The following GLRB variants were observed in gnomAD, a reference collection of about 807,000 sequenced individuals.
GLRB encodes glycine receptor beta, also known as glycine receptor subunit beta.
Under a neutral mutation model 54.2 loss-of-function variants are expected in GLRB, and 33 were observed. The ratio of observed to expected loss-of-function variants is 0.61; its 90% CI spans 0.46 to 0.81. The LOEUF is 0.81. Ranked by LOEUF, GLRB falls within the 40% of genes least tolerant of loss-of-function variation. The pLI, the probability that GLRB is intolerant of heterozygous loss-of-function variation, is 0.00. For missense variants in GLRB, 572 were observed against 584.6 expected (o/e 0.98, Z 0.22); for synonymous variants, 209 against 208.2 (o/e 1.00, Z -0.03).
chr4:157,083,766 T>A (rs1579181465), intron 2 of GLRB, among the ~76,000 whole-genome samples: 1 of 152,300 alleles, frequency 6.6e-6, no homozygotes, highest in East Asian at 1.9e-4. Context: ...TGGTGGTGTG[T>A]TAATAATAAG....
intron 2 of GLRB, among the ~76,000 whole-genome samples, chr4:157,117,182 A>G (rs1365132154): frequency 6.6e-6 from 1 of 151,768 alleles, no homozygotes; most frequent in Non-Finnish European, 1.5e-5. Context: ...TAAAATACAT[A>G]TGCCCTAAAG....
chr4:157,135,205 G>T (rs1736357701), intron 4 of GLRB, among the ~76,000 whole-genome samples: 1 of 151,922 alleles, frequency 6.6e-6, no homozygotes, highest in Non-Finnish European at 1.5e-5. Context: ...GCTTCATCTG[G>T]TTATTTCTTA....
At chr4:157,105,823 G>C (rs1319109827) in intron 2 of GLRB, among the ~76,000 whole-genome samples, 2 of 151,900 alleles carry the variant, frequency 1.3e-5, no homozygotes, top group Non-Finnish European at 2.9e-5. Flanking sequence ...TCTAGGTATA[G>C]TCATCCCATG....
At chr4:157,117,863 C>A (rs1282952241) in intron 2 of GLRB, among the ~76,000 whole-genome samples, 1 of 151,438 alleles carries the variant, frequency 6.6e-6, no homozygotes, top group Non-Finnish European at 1.5e-5. Context: ...GTAATATACT[C>A]GTAGATAAGA....
intron 8 of GLRB, among the ~76,000 whole-genome samples, chr4:157,148,872 CT>C (rs2126594169): frequency 6.6e-6 from 1 of 152,088 alleles, no homozygotes; most frequent in Non-Finnish European, 1.5e-5. Context: ...CTGTTGAAAT[CT>C]TTTATCTCTT....
chr4:157,153,578 G>T (rs745334515), intron 9 of GLRB, among the ~76,000 whole-genome samples: 1 of 152,154 alleles, frequency 6.6e-6, no homozygotes, highest in Non-Finnish European at 1.5e-5. Flanking sequence ...GCAGTGAGTG[G>T]CAGGAGAAGG....
chr4:157,091,013 CCA>C (rs1734589469), intron 2 of GLRB, among the ~76,000 whole-genome samples: 1 of 152,032 alleles, frequency 6.6e-6, no homozygotes, highest in Non-Finnish European at 1.5e-5. Context: ...ATCTGAATTA[CCA>C]CAGTTTTTCT....
chr4:157,143,092 T>C (rs919771303), intron 7 of GLRB, among the ~76,000 whole-genome samples: 16 of 152,222 alleles, frequency 1.1e-4, no homozygotes, highest in Middle Eastern at 3.4e-3. Flanking sequence ...TAGAATTAGG[T>C]TGTAAAACAA....
intron 2 of GLRB, among the ~76,000 whole-genome samples, chr4:157,105,652 C>G (rs1169411561): frequency 1.3e-5 from 2 of 151,994 alleles, no homozygotes; most frequent in African/African-American, 4.8e-5. Context: ...GCCTATTACT[C>G]TTATCAGTTC....
In GLRB at chr4:157,171,270, T is replaced by A. The variant is rs1129304; in HGVS notation, c.*542T>A. ...CTCTGTGGAGAAATAAAGTTCAAAA[T>A]ATATTAATTTGTAAAATCAGCTCGT... On this transcript the variant is annotated 3_prime_UTR_variant, in exon 10 of 10. Transcript: ENST00000264428. The A allele has an allele frequency of 0.41, 62,268 of 152,000 alleles. 14,841 individuals are homozygous for A. The highest frequency in any genetic ancestry group is 0.66 in the African/African-American group (27,473 of 41,446). The allele number at this position is 152,000 out of a possible 1,614,324, so 9.4% of individuals were successfully genotyped here. A position where few individuals can be genotyped will look rare whatever the true frequency, so the allele number is the denominator to read the frequency against.
In GLRB at chr4:157,105,448, A is replaced by G. The variant is rs554344965; in HGVS notation, c.123-15108A>G. On this transcript the variant is annotated intron_variant, in intron 2 of 9. Coordinates refer to ENST00000264428, the MANE Select transcript of GLRB (RefSeq NM_000824.5). Reference sequence around the variant, plus strand: ...TGTTTTGGAACCTAACATGTGATCTATCTGGCAGAATGTTCCATGTCTTCT... The same window carrying G: ...TGTTTTGGAACCTAACATGTGATCTGTCTGGCAGAATGTTCCATGTCTTCT... Among the ~76,000 whole-genome samples, 4 of 152,164 alleles carry G rather than the reference A, an allele frequency of 2.6e-5. No individual in the cohort carries two copies. The East Asian group carries it at 7.7e-4, about 29-fold the overall frequency.
chr4:157,080,158 C>A (rs550817304), intron 2 of GLRB, among the ~76,000 whole-genome samples: 1 of 152,074 alleles, frequency 6.6e-6, no homozygotes, highest in African/African-American at 2.4e-5. Context: ...TTATTTAAGA[C>A]AGATTTTCAA....
intron 2 of GLRB, among the ~76,000 whole-genome samples, chr4:157,082,964 T>TTTTA (rs1180920266): frequency 0.012 from 1,684 of 139,626 alleles, 44 homozygotes; most frequent in Admixed American, 0.055. Context: ...GAATAGTGTT[T>TTTTA]TATATATATA....
rs1425243612 is a variant in GLRB at position 157,133,623 on chromosome 4, AT to A, written c.298-2841del. 3.3e-5 allele frequency among the ~76,000 whole-genome samples: 5 copies of A among 151,908 alleles called. No individual in the cohort carries two copies. The East Asian group carries it at 9.7e-4, about 29-fold the overall frequency. On this transcript the variant is annotated intron_variant, in intron 4 of 9. Transcript: ENST00000264428. ...AAAATTAATATGTCATTAATAAATA[AT>A]TTTTGAATGAATGAACTAACTAGTA...
intron 2 of GLRB, among the ~76,000 whole-genome samples, chr4:157,079,754 T>A (rs1022022947): frequency 9.8e-5 from 15 of 152,298 alleles, no homozygotes; most frequent in African/African-American, 3.6e-4. Context: ...GAGATTAGCA[T>A]TTTAGGGAAC....
In GLRB at chr4:157,136,615, A is replaced by G. The variant is rs759588342; in HGVS notation, c.444A>G (p.Glu148=). The G allele has an allele frequency of 6.8e-6, 11 of 1,613,498 alleles. No homozygotes were observed. The highest frequency in any genetic ancestry group is 6.7e-5 in the Admixed American group (4 of 59,988). ...AACCTGATTTATTTTTTGCAAATGA[A>G]AAAAGTGCCAATTTTCATGATGTGA... ...LWKPDLFFAN[E]KSANFHDVTQ... Residue 148 remains glutamate (E), a synonymous_variant, in exon 5 of 10, where the codon GAA becomes GAG. Transcript: ENST00000264428.
At chr4:157,156,152 T>C (rs1737218876) in intron 9 of GLRB, among the ~76,000 whole-genome samples, 1 of 152,228 alleles carries the variant, frequency 6.6e-6, no homozygotes, top group African/African-American at 2.4e-5. Context: ...GTTGGTGTTT[T>C]GATAGAAATT....
At chr4:157,084,724 G>A (rs7667450) in intron 2 of GLRB, 80,771 of 455,558 alleles carry the variant, frequency 0.18, 7,841 homozygotes, top group East Asian at 0.28. Context: ...TACTAAGAAG[G>A]GTAGGTTACT....
At chr4:157,105,135 C>G (rs1033121142) in intron 2 of GLRB, among the ~76,000 whole-genome samples, 1 of 151,006 alleles carries the variant, frequency 6.6e-6, no homozygotes, top group Admixed American at 6.6e-5. Flanking sequence ...TAAAGTTAGG[C>G]TATATATTTG....
Sources: gnomAD v4.1 joint callset for allele counts (sites outside exome capture counted in the v4.1 genomes callset) on GRCh38, gnomAD v4.1.1 for gene constraint, MANE v1.5 for transcripts, NCBI Gene and HGNC (gene_info 2026-07-23, HGNC 2026-07-21) for gene names.